Variants in GRAP2 observed in about 807,000 individuals in gnomAD.
GRAP2 encodes the protein GRB2 related adaptor protein 2, also known as GRB2-related adapter protein 2.
Under a neutral mutation model 43.5 loss-of-function variants are expected in GRAP2, and 31 were observed. That is an observed-to-expected ratio of 0.71 (90% CI 0.54 to 0.96). GRAP2 has a LOEUF of 0.96. GRAP2 is among the 40% of genes least tolerant of loss of function. The pLI, the probability that GRAP2 is intolerant of heterozygous loss-of-function variation, is 0.00. For missense variants in GRAP2, 371 were observed against 424.4 expected (o/e 0.87, Z 1.11); for synonymous variants, 156 against 164.8 (o/e 0.95, Z 0.41).
In GRAP2 at chr22:39,968,057, A is replaced by G. The variant is rs1357197292; in HGVS notation, c.475A>G (p.Ser159Gly). Residue 159 changes from serine (S) to glycine (G), a missense_variant, in exon 6 of 8, where the codon AGC becomes GGC. Transcript: ENST00000344138. ...TTTCTCCCAGGGTCACCGGGGCAAC[A>G]GCCTGGACCGGAGGTCCCAGGGAGG... ...TREDQGHRGN[S>G]LDRRSQGGPH... is the part of the protein sequence containing the mutation. 6.2e-7 allele frequency: 1 copy of G among 1,612,606 alleles called. No homozygotes were observed. The highest frequency in any genetic ancestry group is 8.5e-7 in the Non-Finnish European group (1 of 1,179,116).
intron 1 of GRAP2, among the ~76,000 whole-genome samples, chr22:39,925,846 C>T (rs960064361): frequency 2.0e-5 from 3 of 152,228 alleles, no homozygotes; most frequent in Non-Finnish European, 2.9e-5. Context: ...AACACCCTAT[C>T]AGTTCTTGCA....
chr22:39,905,016 A>G (rs1353852640), intron 1 of GRAP2, among the ~76,000 whole-genome samples: 1 of 152,206 alleles, frequency 6.6e-6, no homozygotes. Flanking sequence ...ATCAGGAGGT[A>G]CAGAATGCCA....
At chr22:39,918,698 G>A (rs931236725) in intron 1 of GRAP2, among the ~76,000 whole-genome samples, 1 of 152,112 alleles carries the variant, frequency 6.6e-6, no homozygotes, top group Admixed American at 6.5e-5. Context: ...GAAGTGAAGC[G>A]AACACTTTGG....
intron 1 of GRAP2, among the ~76,000 whole-genome samples, chr22:39,903,813 A>G (rs1208890166): frequency 2.6e-5 from 4 of 152,130 alleles, no homozygotes; most frequent in Admixed American, 6.5e-5. Flanking sequence ...TTAAGAAAGC[A>G]TGGTCCTGTT....
At chr22:39,964,715 T>TAAAA (rs386395435) in intron 4 of GRAP2, 40,924 of 305,362 alleles carry the variant, frequency 0.13, 4,291 homozygotes, top group African/African-American at 0.25. Context: ...TAAACTTTTG[T>TAAAA]AAAAAAAAAA....
At chr22:39,969,110 GAAGC>G in intron 6 of GRAP2, among the ~76,000 whole-genome samples, 1 of 152,316 alleles carries the variant, frequency 6.6e-6, no homozygotes, top group South Asian at 2.1e-4. Flanking sequence ...GAAGCTCCAT[GAAGC>G]CAGAGACCTT....
At position 39,959,399 on chromosome 22, in the gene GRAP2, A is replaced by G. The variant is rs114718042; in HGVS notation, c.171-656A>G. On this transcript the variant is annotated intron_variant, in intron 3 of 7. Coordinates refer to ENST00000344138, the MANE Select transcript of GRAP2 (RefSeq NM_004810.4). ...TGGGGCAGGCCCAGGATCTGGTTGT[A>G]TAGACGCCGCTCTCTGGCGGCTGCC... Among the ~76,000 whole-genome samples the G allele has an allele frequency of 9.4e-3, 1,434 of 152,262 alleles. 22 individuals carry two copies. Among genetic ancestry groups the G allele is most frequent in the African/African-American group, 0.033 (1,359 of 41,554 alleles).
At chr22:39,968,379 C>G (rs966547346) in intron 6 of GRAP2, 107 bp downstream of exon 6, 17 of 1,309,458 alleles carry the variant, frequency 1.3e-5, no homozygotes, top group Admixed American at 4.5e-5. Flanking sequence ...TGATGAAGAC[C>G]CTGGACCCCC....
rs1601724389 is a variant in GRAP2 at position 39,949,684 on chromosome 22, CT to C, written c.78+2502del. On this transcript the variant is annotated intron_variant, in intron 2 of 7. Transcript: ENST00000344138. ...ATCTGCCCCCTTTGAGCTTTAGTGT[CT>C]TCCTCAGCAAGTGGAGGTAGTATCC... Among the ~76,000 whole-genome samples, 7 of 152,302 alleles carry C rather than the reference CT, an allele frequency of 4.6e-5. No homozygotes were observed. The South Asian group carries it at 1.4e-3, about 32-fold the overall frequency.
chr22:39,964,693 T>A (rs1017691750), intron 4 of GRAP2: 9 of 479,140 alleles, frequency 1.9e-5, no homozygotes, highest in Non-Finnish European at 3.3e-5. Context: ...GGAGCTGTTG[T>A]ACATTTAAGA....
chr22:39,946,248 G>A (rs1469998254), intron 1 of GRAP2, among the ~76,000 whole-genome samples: 1 of 152,036 alleles, frequency 6.6e-6, no homozygotes, highest in Non-Finnish European at 1.5e-5. Flanking sequence ...AGACTCCAAG[G>A]GTTTAATTAC....
chr22:39,910,588 T>C (rs1011456899), intron 1 of GRAP2, among the ~76,000 whole-genome samples: 6 of 151,876 alleles, frequency 4.0e-5, no homozygotes, highest in African/African-American at 1.2e-4. Flanking sequence ...TTTGTATTTT[T>C]AGTAGAGACG....
At chr22:39,932,623 C>G (rs545688137) in intron 1 of GRAP2, among the ~76,000 whole-genome samples, 1 of 145,892 alleles carries the variant, frequency 6.9e-6, no homozygotes, top group East Asian at 2.0e-4. Context: ...GAGGCTGAGA[C>G]AGGAGAATCA....
At chr22:39,968,295 G>A (rs1333239154) in intron 6 of GRAP2, 23 bp downstream of exon 6, 1 of 1,610,464 alleles carries the variant, frequency 6.2e-7, no homozygotes, top group Non-Finnish European at 8.5e-7. Context: ...AAGGCAGTGG[G>A]CACAGTACGG....
At chr22:39,943,542 T>A (rs532978593) in intron 1 of GRAP2, among the ~76,000 whole-genome samples, 6 of 151,932 alleles carry the variant, frequency 3.9e-5, no homozygotes, top group Admixed American at 2.0e-4. Context: ...ATCTATCAGG[T>A]TGGCGGGGTG....
chr22:39,943,007 T>G (rs1472879287), intron 1 of GRAP2, among the ~76,000 whole-genome samples: 1 of 152,188 alleles, frequency 6.6e-6, no homozygotes, highest in Non-Finnish European at 1.5e-5. Flanking sequence ...CTTCTCTCAC[T>G]GGGTCCTGAG....
intron 1 of GRAP2, chr22:39,926,881 G>A (rs888541312): frequency 4.1e-5 from 40 of 977,480 alleles, no homozygotes; most frequent in Non-Finnish European, 4.7e-5. Flanking sequence ...TATCGTGATT[G>A]GAATGGGGAA....
chr22:39,907,674 C>A (rs1418149452), intron 1 of GRAP2, among the ~76,000 whole-genome samples: 5 of 151,964 alleles, frequency 3.3e-5, no homozygotes, highest in African/African-American at 1.2e-4. Flanking sequence ...CCCAAGAGAT[C>A]AAGGCTGCAG....
chr22:39,956,554 A>G (rs1200482617), intron 3 of GRAP2, among the ~76,000 whole-genome samples: 5 of 151,600 alleles, frequency 3.3e-5, no homozygotes, highest in African/African-American at 1.2e-4. Context: ...GTGCAGTGGC[A>G]TGATCTCGGC....
Sources: gnomAD v4.1 joint callset for allele counts (sites outside exome capture counted in the v4.1 genomes callset) on GRCh38, gnomAD v4.1.1 for gene constraint, MANE v1.5 for transcripts, NCBI Gene and HGNC (gene_info 2026-07-23, HGNC 2026-07-21) for gene names.